RBFOX1: variants seen among roughly 807,000 people sequenced by gnomAD.
The protein encoded by RBFOX1 is RNA binding fox-1 homolog 1.
Under a neutral mutation model 57.7 loss-of-function variants are expected in RBFOX1, and 8 were observed. The observed-to-expected ratio is 0.14, with a 90% CI of 0.08 to 0.25. RBFOX1 has a LOEUF of 0.25. RBFOX1 is among the 10% of genes least tolerant of loss of function. The pLI, the probability that RBFOX1 is intolerant of heterozygous loss-of-function variation, is 1.00. For missense variants in RBFOX1, 611 were observed against 548.5 expected, an observed-to-expected ratio of 1.11 and a Z score of -1.14; for synonymous variants, 326 against 222.4, an observed-to-expected ratio of 1.47 and a Z score of -4.15.
intron 3 of RBFOX1, among the ~76,000 whole-genome samples, chr16:6,854,349 A>T (rs1037982510): frequency 7.2e-5 from 11 of 152,074 alleles, no homozygotes; most frequent in Non-Finnish European, 1.3e-4. Context: ...GAACCTATGA[A>T]GAGGAAAGGG....
At chr16:6,559,432 T>A (rs2097150066) in intron 2 of RBFOX1, among the ~76,000 whole-genome samples, 1 of 152,086 alleles carries the variant, frequency 6.6e-6, no homozygotes, top group African/African-American at 2.4e-5. Context: ...GCTGAGATCA[T>A]CTCAGCACCA....
rs2098562348 is a variant in RBFOX1, at chr16:6,649,651, T to C, written c.-63-4952T>C. 2.0e-5 allele frequency among the ~76,000 whole-genome samples: 3 copies of C among 152,344 alleles called. No individual in the cohort carries two copies. The South Asian group carries it at 6.2e-4, about 32-fold the overall frequency. ...CATTCGTGACTTGTTTCACTTAGAA[T>C]AATGGTCTCCAGTTCCATCCAGGTT... is the stretch of plus-strand genomic sequence containing the variant. On this transcript the variant is annotated intron_variant, in intron 2 of 15. Transcript: ENST00000550418.
At chr16:5,648,021 G>C (rs971731759) in intron 3 of RBFOX1, among the ~76,000 whole-genome samples, 5 of 152,056 alleles carry the variant, frequency 3.3e-5, no homozygotes, top group Non-Finnish European at 7.4e-5. Context: ...CACTGTCCCT[G>C]ATTAATTTTT....
intron 3 of RBFOX1, among the ~76,000 whole-genome samples, chr16:6,883,899 A>G (rs879559424): frequency 6.6e-6 from 1 of 152,072 alleles, no homozygotes; most frequent in Non-Finnish European, 1.5e-5. Flanking sequence ...GCTGAGACTT[A>G]AGTTAGAGGG....
At position 7,319,448 on chromosome 16, in the gene RBFOX1, G is replaced by A. The variant is rs147624663; in HGVS notation, c.28-198699G>A. The stretch of plus-strand genomic sequence containing the variant: ...GCCAAACATTATTTAAAAAGAAGAC[G>A]TGGAGGGTGGTAGGTTGATTTCAGG... On this transcript the variant is annotated intron_variant, in intron 4 of 15. Coordinates refer to ENST00000550418, the MANE Select transcript of RBFOX1 (RefSeq NM_018723.4). Among the ~76,000 whole-genome samples the A allele has an allele frequency of 5.9e-5, 9 of 152,302 alleles. No homozygotes were observed. In the East Asian group the frequency reaches 1.5e-3, roughly 26 times the overall value.
chr16:7,381,321 G>GCCA (rs1367875591), intron 4 of RBFOX1, among the ~76,000 whole-genome samples: 1 of 152,112 alleles, frequency 6.6e-6, no homozygotes, highest in Non-Finnish European at 1.5e-5. Context: ...TGCAAGTAAT[G>GCCA]CATATAACTT....
intron 3 of RBFOX1, among the ~76,000 whole-genome samples, chr16:6,897,610 G>T (rs1337449684): frequency 3.3e-5 from 5 of 152,132 alleles, no homozygotes; most frequent in African/African-American, 2.4e-5. Flanking sequence ...TGGCCAACAT[G>T]GTGAAACCCC....
intron 2 of RBFOX1, among the ~76,000 whole-genome samples, chr16:5,548,892 CA>C (rs1405655497): frequency 3.9e-5 from 6 of 152,132 alleles, no homozygotes; most frequent in African/African-American, 1.2e-4. Context: ...GGAAGGGGCA[CA>C]GGGGCACTTC....
At chr16:7,633,752 TTC>T (rs1305178921) in intron 11 of RBFOX1, among the ~76,000 whole-genome samples, 1 of 152,158 alleles carries the variant, frequency 6.6e-6, no homozygotes, top group African/African-American at 2.4e-5. Context: ...CTTCAGTTAT[TTC>T]TGTTTGCAGG....
chr16:6,869,138 A>ATCTTGCC (rs1282760627), intron 3 of RBFOX1, among the ~76,000 whole-genome samples: 2 of 152,210 alleles, frequency 1.3e-5, no homozygotes, highest in African/African-American at 4.8e-5. Flanking sequence ...TGGCTTATGC[A>ATCTTGCC]TCTTGCCTCT....
chr16:6,394,978 C>T (rs2092762933), intron 2 of RBFOX1, among the ~76,000 whole-genome samples: 1 of 152,126 alleles, frequency 6.6e-6, no homozygotes, highest in Non-Finnish European at 1.5e-5. Flanking sequence ...TATTATTGCC[C>T]TTGATGTACA....
chr16:6,462,076 G>A lies in RBFOX1; in HGVS notation c.-64+145019G>A, dbSNP rs138386699. Among the ~76,000 whole-genome samples, 642 of 152,166 alleles carry A rather than the reference G, an allele frequency of 4.2e-3. 5 individuals are homozygous for A. The highest frequency in any genetic ancestry group is 0.014 in the African/African-American group (599 of 41,506). ...TTTCCTTTTCAACAACATTTTTAATGGACAGTTCCAGAGACAATTTCATCC... is the reference window on the plus strand; with the variant it reads ...TTTCCTTTTCAACAACATTTTTAATAGACAGTTCCAGAGACAATTTCATCC... On this transcript the variant is annotated intron_variant, in intron 2 of 15. Transcript: ENST00000550418.
chr16:6,103,897 G>C (rs994992985), intron 1 of RBFOX1, among the ~76,000 whole-genome samples: 5 of 152,040 alleles, frequency 3.3e-5, no homozygotes, highest in African/African-American at 1.2e-4. Context: ...TTTTTGCTCT[G>C]TTCCAATTTG....
chr16:7,636,308 T>A (rs191675177), intron 11 of RBFOX1, among the ~76,000 whole-genome samples: 2 of 152,330 alleles, frequency 1.3e-5, no homozygotes, highest in Admixed American at 1.3e-4. Flanking sequence ...CTCAATTTGT[T>A]TTAGTTTGTC....
In RBFOX1 at chr16:5,490,457, T is replaced by C. The variant is rs191598594; in HGVS notation, c.258+23203T>C. 1.9e-3 allele frequency among the ~76,000 whole-genome samples: 288 copies of C among 152,300 alleles called. 1 individual carries two copies. The highest frequency in any genetic ancestry group is 6.7e-3 in the African/African-American group (278 of 41,560). ...GACCTTCTGTAGGTGCTCGGCCTTG[T>C]GGAGGCAGAGAGAGGCGTCCTGGGA... On this transcript the variant is annotated intron_variant, in intron 2 of 2. Transcript: ENST00000585867.
At chr16:5,839,048 T>C (rs1364896752) in intron 3 of RBFOX1, among the ~76,000 whole-genome samples, 1 of 152,170 alleles carries the variant, frequency 6.6e-6, no homozygotes, top group African/African-American at 2.4e-5. Flanking sequence ...GCCAGGGATA[T>C]TGATAAACCA....
At chr16:7,421,802 AAAT>A (rs2098545163) in intron 4 of RBFOX1, among the ~76,000 whole-genome samples, 1 of 152,230 alleles carries the variant, frequency 6.6e-6, no homozygotes, top group Non-Finnish European at 1.5e-5. Context: ...CTGACATGCA[AAAT>A]AATGATGGGG....
At chr16:6,368,730 C>T (rs561130466) in intron 2 of RBFOX1, among the ~76,000 whole-genome samples, 1 of 152,164 alleles carries the variant, frequency 6.6e-6, no homozygotes, top group Non-Finnish European at 1.5e-5. Context: ...ATGTACCAGT[C>T]CATGTTTACA....
intron 1 of RBFOX1, among the ~76,000 whole-genome samples, chr16:6,060,139 T>TGTTTTG (rs2095666311): frequency 8.4e-5 from 2 of 23,788 alleles, no homozygotes; most frequent in Admixed American, 9.7e-4. Flanking sequence ...TTTTTTTTTT[T>TGTTTTG]TTTTTTTTTT....
Sources: allele counts gnomAD v4.1 joint callset (sites outside exome capture counted in the v4.1 genomes callset), GRCh38; gene constraint gnomAD v4.1.1; transcripts MANE v1.5; gene names NCBI Gene and HGNC (gene_info 2026-07-23, HGNC 2026-07-21).